The following SUCO variants were observed in gnomAD, a reference collection of about 807,000 sequenced individuals.
The protein encoded by SUCO is SUN domain-containing ossification factor.
In SUCO, 57 loss-of-function variants were observed where a neutral mutation model predicts 148.1. That is an observed-to-expected ratio of 0.38 (90% confidence interval 0.31 to 0.48). The LOEUF (loss-of-function observed/expected upper bound fraction) is 0.48. SUCO is among the 20% of genes least tolerant of loss of function. SUCO has a pLI of 0.96. For missense variants in SUCO, 1,331 were observed against 1,468.2 expected (o/e 0.91, Z 1.53); for synonymous variants, 470 against 502.7 (o/e 0.93, Z 0.87).
intron 20 of SUCO, among the ~76,000 whole-genome samples, chr1:172,601,175 A>G (rs901786233): frequency 6.6e-6 from 1 of 152,196 alleles, no homozygotes; most frequent in African/African-American, 2.4e-5. Flanking sequence ...CAGGAGCAGA[A>G]GCAGACAGGA....
intron 23 of SUCO, 22 bp from the exon 24 acceptor site, chr1:172,609,794 T>G (rs757881827): frequency 6.4e-7 from 1 of 1,574,692 alleles, no homozygotes; most frequent in Non-Finnish European, 8.6e-7. Flanking sequence ...CATTACTAAC[T>G]TTTCTTTTAC....
chr1:172,581,566 C>T (rs1655885801), intron 15 of SUCO, among the ~76,000 whole-genome samples: 1 of 152,138 alleles, frequency 6.6e-6, no homozygotes, highest in African/African-American at 2.4e-5. Context: ...GGTGGTATAA[C>T]TTGAAGAAGT....
chr1:172,545,511 A>G (rs939624760), intron 1 of SUCO, among the ~76,000 whole-genome samples: 2 of 152,172 alleles, frequency 1.3e-5, no homozygotes, highest in African/African-American at 4.8e-5. Flanking sequence ...GAAGTGTGTA[A>G]TTTGACAAGT....
chr1:172,592,026 A>G (rs1191489630), intron 19 of SUCO, among the ~76,000 whole-genome samples: 1 of 152,182 alleles, frequency 6.6e-6, no homozygotes, highest in African/African-American at 2.4e-5. Flanking sequence ...TTCTCTGATG[A>G]CCAGTGATGA....
intron 6 of SUCO, among the ~76,000 whole-genome samples, chr1:172,567,121 C>T (rs1654608278): frequency 6.6e-6 from 1 of 152,204 alleles, no homozygotes; most frequent in Admixed American, 6.5e-5. Context: ...AATGGCTCTA[C>T]TTCCTTTGAA....
At chr1:172,545,635 C>T (rs961287067) in intron 1 of SUCO, among the ~76,000 whole-genome samples, 1 of 152,094 alleles carries the variant, frequency 6.6e-6, no homozygotes, top group Non-Finnish European at 1.5e-5. Flanking sequence ...ACAATGAGGA[C>T]AGAAACTAGA....
chr1:172,537,218 C>T (rs1420459573), intron 1 of SUCO, among the ~76,000 whole-genome samples: 1 of 151,906 alleles, frequency 6.6e-6, no homozygotes, highest in South Asian at 2.1e-4. Context: ...TGTACATGTG[C>T]CAATATAGTA....
At position 172,590,026 on chromosome 1, in the gene SUCO, A is replaced by G. The variant is rs566965419; in HGVS notation, c.2825+100A>G. The stretch of plus-strand genomic sequence containing the variant: ...CAGGAGAGGATTTAATTATCTCATG[A>G]TATAATAGAGGTAAGCGCAATTTTA... On this transcript the variant is annotated intron_variant, in intron 18 of 23. Transcript: ENST00000263688. 3.6e-5 allele frequency: 37 copies of G among 1,029,496 alleles called. No homozygotes were observed. In the African/African-American group the frequency reaches 4.9e-4, roughly 14 times the overall value. 63.8% of individuals were successfully genotyped at this position (1,029,496 alleles called of 1,614,324 possible). A position where few individuals can be genotyped will look rare whatever the true frequency, so the allele number is the denominator to read the frequency against.
At chr1:172,565,946 C>G (rs1654521602) in intron 6 of SUCO, among the ~76,000 whole-genome samples, 1 of 152,166 alleles carries the variant, frequency 6.6e-6, no homozygotes, top group Admixed American at 6.5e-5. Flanking sequence ...CACACCCATC[C>G]ACAGAAGCCA....
Position 172,602,230 on chromosome 1 carries a change from AT to A in SUCO, c.3173+14del, listed in dbSNP as rs764521201. Reference sequence around the variant, plus strand: ...CCAAGCCCTAAAAGGTAATATCAGCATTATATTTCACAATTTTATTTTTTTT... The same window carrying A: ...CCAAGCCCTAAAAGGTAATATCAGCATATATTTCACAATTTTATTTTTTTT... On this transcript the variant is annotated intron_variant, in intron 21 of 23. Transcript: ENST00000263688. 6.4e-7 allele frequency: 1 copy of A among 1,572,188 alleles called. No homozygotes were observed. Among genetic ancestry groups the A allele is most frequent in the Non-Finnish European group, 8.6e-7 (1 of 1,158,954 alleles).
At chr1:172,567,947 C>T (rs1654678573) in intron 6 of SUCO, among the ~76,000 whole-genome samples, 1 of 152,194 alleles carries the variant, frequency 6.6e-6, no homozygotes, top group African/African-American at 2.4e-5. Flanking sequence ...AGGCGCACGA[C>T]AGGTGGTGAG....
chr1:172,602,322 C>G, intron 21 of SUCO, 104 bp downstream of exon 21: 1 of 1,387,988 alleles, frequency 7.2e-7, no homozygotes, highest in Non-Finnish European at 9.5e-7. Context: ...ATTTCTTTCC[C>G]TATATGATTA....
At position 172,602,779 on chromosome 1, in the gene SUCO, G is replaced by A. The variant is rs772742218; in HGVS notation, c.3257G>A (p.Gly1086Asp). The A allele has an allele frequency of 5.6e-6, 9 of 1,610,616 alleles. No homozygotes were observed. The Admixed American group carries it at 1.3e-4, about 24-fold the overall frequency. The change falls in exon 22 of 24, where the codon GGC (glycine) becomes GAC (aspartate). Residue 1086 changes from glycine to aspartate, a missense_variant. Gly to Asp is a moderately conservative substitution (Grantham distance 94). Coordinates refer to ENST00000263688, the MANE Select transcript of SUCO (RefSeq NM_014283.5). ...LMRSKSLQLT[G>D]KEVDPNDLYI... ...AGATCCAAGTCTCTACAGTTAACTG[G>A]CAAAGAAGGTAGATTTCTGTGGATA...
At chr1:172,548,860 G>A (rs1653066135) in intron 1 of SUCO, among the ~76,000 whole-genome samples, 1 of 151,842 alleles carries the variant, frequency 6.6e-6, no homozygotes, top group Non-Finnish European at 1.5e-5. Context: ...GTATCTTTGA[G>A]CTTCTTACAT....
At position 172,579,249 on chromosome 1, in the gene SUCO, C is replaced by A. The variant is rs777034700; in HGVS notation, c.1480C>A (p.Leu494Ile). ...TGGAGAGGATAAATCCTCAAAAAAT[C>A]TTCTTGGTTCTGCTACAAGTGAGTA... is the stretch of plus-strand genomic sequence containing the variant. ...NTGEDKSSKN[L>I]LGSATNAILN... Residue 494 changes from leucine (L) to isoleucine (I), a missense_variant, in exon 15 of 24, where the codon CTT (leucine) becomes ATT (isoleucine). Physicochemically the swap from Leu to Ile is conservative, Grantham distance 5. Coordinates refer to ENST00000263688, the MANE Select transcript of SUCO (RefSeq NM_014283.5). The A allele has an allele frequency of 1.9e-6, 3 of 1,598,506 alleles. No individual in the cohort carries two copies. The highest frequency in any genetic ancestry group is 1.1e-5 in the South Asian group (1 of 90,364).
At chr1:172,540,769 G>C (rs1293633506) in intron 1 of SUCO, among the ~76,000 whole-genome samples, 1 of 152,160 alleles carries the variant, frequency 6.6e-6, no homozygotes, top group Non-Finnish European at 1.5e-5. Context: ...ATGTCTGTCT[G>C]CCTGCTTGCA....
At chr1:172,550,808 G>A in intron 1 of SUCO, 7 of 581,942 alleles carry the variant, frequency 1.2e-5, no homozygotes, top group Non-Finnish European at 1.5e-5. Context: ...TTTATCAGAT[G>A]TTTTTCAGTG....
chr1:172,579,484 C>T (rs891654425), intron 15 of SUCO, among the ~76,000 whole-genome samples: 2 of 151,998 alleles, frequency 1.3e-5, no homozygotes, highest in African/African-American at 4.8e-5. Flanking sequence ...AAAGGTGTTT[C>T]TTCTACTCTA....
intron 1 of SUCO, 89 bp from the exon 2 acceptor site, chr1:172,551,423 C>A: frequency 1.4e-6 from 1 of 701,614 alleles, no homozygotes. Flanking sequence ...CAAATTCTAG[C>A]CCATATAGAA....
Sources: allele counts gnomAD v4.1 joint callset (sites outside exome capture counted in the v4.1 genomes callset), GRCh38; gene constraint gnomAD v4.1.1; transcripts MANE v1.5; gene names NCBI Gene and HGNC (gene_info 2026-07-23, HGNC 2026-07-21).